The following PRKG1 variants were observed in gnomAD, a reference collection of about 807,000 sequenced individuals.
The protein encoded by PRKG1 is cGMP-dependent protein kinase 1.
A neutral mutation model predicts 88.1 loss-of-function variants in PRKG1; 35 were observed. The ratio of observed to expected loss-of-function variants is 0.40; its 90% CI spans 0.30 to 0.53. The LOEUF is 0.53. Among genes scored for constraint, PRKG1 ranks in the 20% least tolerant of loss-of-function variants. The pLI, the probability that PRKG1 is intolerant of heterozygous loss-of-function variation, is 0.59. For missense variants in PRKG1, 540 were observed against 839.8 expected (o/e 0.64, Z 4.41); for synonymous variants, 303 against 292.5 (o/e 1.04, Z -0.37).
At chr10:51,226,152 C>T (rs1838688290) in intron 2 of PRKG1, among the ~76,000 whole-genome samples, 1 of 152,096 alleles carries the variant, frequency 6.6e-6, no homozygotes, top group Non-Finnish European at 1.5e-5. Flanking sequence ...TGCAGTGACC[C>T]AAGATCACTC....
chr10:52,239,354 A>G (rs978467400), intron 9 of PRKG1, among the ~76,000 whole-genome samples: 3 of 109,700 alleles, frequency 2.7e-5, no homozygotes, highest in African/African-American at 5.3e-5. Flanking sequence ...TTAAAAAAAA[A>G]AAAGAGATTC....
At chr10:52,209,281 A>G (rs968097183) in intron 9 of PRKG1, among the ~76,000 whole-genome samples, 2 of 152,186 alleles carry the variant, frequency 1.3e-5, no homozygotes, top group East Asian at 1.9e-4. Flanking sequence ...TTTCAATACA[A>G]CTTTATTTAT....
intron 2 of PRKG1, among the ~76,000 whole-genome samples, chr10:51,343,524 T>C (rs1480278729): frequency 6.6e-6 from 1 of 152,188 alleles, no homozygotes. Flanking sequence ...TTTTAAATAA[T>C]TATTTGGTAT....
chr10:52,107,582 TAATC>T (rs1235830118), intron 7 of PRKG1, among the ~76,000 whole-genome samples: 9 of 152,170 alleles, frequency 5.9e-5, no homozygotes, highest in Non-Finnish European at 1.3e-4. Context: ...TCTCTGTAAA[TAATC>T]ACTTGAACTT....
intron 3 of PRKG1, among the ~76,000 whole-genome samples, chr10:51,604,540 A>C (rs1454961323): frequency 6.6e-6 from 1 of 152,250 alleles, no homozygotes; most frequent in Non-Finnish European, 1.5e-5. Flanking sequence ...ACAGATCAAA[A>C]TCTAAAAAGG....
intron 3 of PRKG1, among the ~76,000 whole-genome samples, chr10:51,721,965 C>T (rs1029506173): frequency 8.5e-5 from 13 of 152,314 alleles, no homozygotes; most frequent in African/African-American, 2.9e-4. Context: ...GGTGCGGTGG[C>T]TTACGCCTGT....
At chr10:51,799,150 G>A (rs545866580) in intron 3 of PRKG1, among the ~76,000 whole-genome samples, 4 of 151,840 alleles carry the variant, frequency 2.6e-5, no homozygotes, top group East Asian at 1.9e-4. Context: ...TTTCTACATC[G>A]GTCTTTCTTC....
At chr10:51,973,285 T>G (rs1452284169) in intron 5 of PRKG1, among the ~76,000 whole-genome samples, 5 of 152,198 alleles carry the variant, frequency 3.3e-5, no homozygotes, top group African/African-American at 9.7e-5. Context: ...CTCAGCAGTC[T>G]GTTTTATGAA....
intron 8 of PRKG1, among the ~76,000 whole-genome samples, chr10:52,157,899 A>G (rs1384903855): frequency 6.6e-6 from 1 of 151,580 alleles, no homozygotes; most frequent in Non-Finnish European, 1.5e-5. Context: ...CTCTCTTTCA[A>G]TATCTGTGTA....
At chr10:51,267,840 T>C (rs937914814) in intron 2 of PRKG1, among the ~76,000 whole-genome samples, 1 of 152,102 alleles carries the variant, frequency 6.6e-6, no homozygotes, top group African/African-American at 2.4e-5. Context: ...GTAAAAGAAA[T>C]AATCGTCAGA....
At chr10:51,129,438 C>T (rs1845510700) in intron 1 of PRKG1, among the ~76,000 whole-genome samples, 1 of 151,698 alleles carries the variant, frequency 6.6e-6, no homozygotes, top group Non-Finnish European at 1.5e-5. Context: ...GAGTGAGACT[C>T]CGTCTCAAAT....
At chr10:51,266,505 T>C (rs1490722500) in intron 2 of PRKG1, among the ~76,000 whole-genome samples, 1 of 152,222 alleles carries the variant, frequency 6.6e-6, no homozygotes, top group East Asian at 1.9e-4. Flanking sequence ...AGACTCTTTC[T>C]TCCTGAGAAG....
At chr10:51,315,595 T>A (rs1841298251) in intron 2 of PRKG1, among the ~76,000 whole-genome samples, 1 of 152,214 alleles carries the variant, frequency 6.6e-6, no homozygotes, top group African/African-American at 2.4e-5. Flanking sequence ...GGTTTAATCC[T>A]TATAAGCAAT....
chr10:52,065,152 G>T (rs1218625572), intron 7 of PRKG1, among the ~76,000 whole-genome samples: 1 of 152,086 alleles, frequency 6.6e-6, no homozygotes, highest in Non-Finnish European at 1.5e-5. Flanking sequence ...CAGAATGCAT[G>T]ATAAAAATAT....
In PRKG1 at chr10:52,293,883, T is replaced by C; in HGVS notation, c.2044T>C (p.Trp682Arg). 6.2e-7 allele frequency: 1 copy of C among 1,610,894 alleles called. No individual in the cohort carries two copies. The highest frequency in any genetic ancestry group is 8.5e-7 in the Non-Finnish European group (1 of 1,177,264). ...DEPPPDDNSG[W>R]DIDF is the part of the protein sequence containing the mutation. Reference sequence around the variant, plus strand: ...ACCACCACCTGATGACAACTCAGGATGGGATATAGACTTCTAATGTATTTC... The same window carrying C: ...ACCACCACCTGATGACAACTCAGGACGGGATATAGACTTCTAATGTATTTC... The change falls in exon 18 of 18, where the codon TGG becomes CGG. Residue 682 changes from tryptophan to arginine, a missense_variant. By Grantham distance (101) the Trp-to-Arg change is moderately radical. Around this residue, in one of 5 missense-constraint regions of PRKG1, gnomAD observed 26 missense variants for 18.4 expected, o/e 1.41. Coordinates refer to ENST00000373980, the MANE Select transcript of PRKG1 (RefSeq NM_006258.4).
chr10:51,258,587 C>G (rs895012233), intron 2 of PRKG1, among the ~76,000 whole-genome samples: 10 of 152,210 alleles, frequency 6.6e-5, no homozygotes, highest in Non-Finnish European at 1.3e-4. Context: ...ATTCTGCTTC[C>G]ACCTCTGTGA....
chr10:51,339,218 G>T (rs1841948955), intron 2 of PRKG1, among the ~76,000 whole-genome samples: 1 of 152,056 alleles, frequency 6.6e-6, no homozygotes, highest in South Asian at 2.1e-4. Flanking sequence ...GGCTCAAGTT[G>T]TTTGAGCTTA....
At chr10:52,200,064 G>T (rs1839623350) in intron 9 of PRKG1, among the ~76,000 whole-genome samples, 1 of 151,964 alleles carries the variant, frequency 6.6e-6, no homozygotes, top group Non-Finnish European at 1.5e-5. Context: ...TATTTTGTTT[G>T]TTTTTAACTT....
chr10:52,140,944 G>T (rs1388851539), intron 8 of PRKG1, among the ~76,000 whole-genome samples: 1 of 152,114 alleles, frequency 6.6e-6, no homozygotes, highest in East Asian at 1.9e-4. Flanking sequence ...CTAATAGGAT[G>T]ATACACTTAA....
Sources: gnomAD v4.1 joint callset for allele counts (sites outside exome capture counted in the v4.1 genomes callset) on GRCh38, gnomAD v4.1.1 for gene constraint, gnomAD v4.1.1 regional missense constraint, MANE v1.5 for transcripts, NCBI Gene and HGNC (gene_info 2026-07-23, HGNC 2026-07-21) for gene names.